BDKRB2: variants seen among roughly 807,000 people sequenced by gnomAD.
BDKRB2 encodes B2 bradykinin receptor.
A neutral mutation model predicts 4.0 loss-of-function variants in BDKRB2; 6 were observed. The observed-to-expected ratio is 1.49, with a 90% CI of 0.81 to 2.93. The LOEUF (loss-of-function observed/expected upper bound fraction) is 2.93. BDKRB2 is among the 30% of genes most tolerant of loss of function. The probability of loss-of-function intolerance (pLI) is 0.00; values close to 1 mark genes in which losing one functional copy is unlikely to be tolerated. For synonymous variants in BDKRB2, 225 were observed against 215.3 expected, an observed-to-expected ratio of 1.05 and a Z score of -0.40; for missense variants, 478 against 520.1, an observed-to-expected ratio of 0.92 and a Z score of 0.79.
intron 1 of BDKRB2, among the ~76,000 whole-genome samples, chr14:96,234,886 G>A (rs954659255): frequency 5.9e-5 from 9 of 152,146 alleles, no homozygotes; most frequent in African/African-American, 2.2e-4. Flanking sequence ...TCTGTGCGGC[G>A]GTCACTGTCG....
intron 2 of BDKRB2, chr14:96,238,411 G>C: frequency 1.0e-6 from 1 of 964,186 alleles, no homozygotes; most frequent in South Asian, 4.8e-5. Context: ...AGAGGAAGCA[G>C]ATTCCTCCTT....
At chr14:96,228,429 G>A (rs1566692657) in intron 1 of BDKRB2, among the ~76,000 whole-genome samples, 1 of 152,148 alleles carries the variant, frequency 6.6e-6, no homozygotes, top group African/African-American at 2.4e-5. Flanking sequence ...GAATGCAGAG[G>A]TTTTATTGAG....
intron 1 of BDKRB2, among the ~76,000 whole-genome samples, chr14:96,218,559 C>T (rs1048322805): frequency 1.4e-4 from 22 of 152,154 alleles, no homozygotes; most frequent in Admixed American, 9.8e-4. Flanking sequence ...GAGCTGCATC[C>T]CAGGCCCTGC....
chr14:96,240,031 A>C, intron 2 of BDKRB2: 1 of 1,013,770 alleles, frequency 9.9e-7, no homozygotes, highest in Non-Finnish European at 1.2e-6. Context: ...AAGGTGACCA[A>C]CTCCCTTGGG....
chr14:96,240,473 C>CA lies in BDKRB2; in HGVS notation c.147dup (p.Val50SerfsTer155). 6.6e-7 allele frequency: 1 copy of CA among 1,524,096 alleles called. No homozygotes were observed. The highest frequency in any genetic ancestry group is 8.8e-7 in the Non-Finnish European group (1 of 1,138,438). The allele number at this position is 1,524,096 out of a possible 1,614,324, so 94.4% of individuals were successfully genotyped here. A position where few individuals can be genotyped will look rare whatever the true frequency, so the allele number is the denominator to read the frequency against. ...GACCTTTGCCCAGAGCAAATGCCCC[C>CA]AAGTGGAGTGGCTGGGCTGGCTCAA... is the stretch of plus-strand genomic sequence containing the variant. On this transcript the variant is annotated frameshift_variant, in exon 3 of 3. Transcript: ENST00000554311. LOFTEE classifies it low-confidence loss of function (END_TRUNC).
At chr14:96,210,694 A>G (rs758417742) in intron 1 of BDKRB2, among the ~76,000 whole-genome samples, 1 of 152,176 alleles carries the variant, frequency 6.6e-6, no homozygotes, top group Non-Finnish European at 1.5e-5. Flanking sequence ...AACAGCTGTC[A>G]TTAGGAATAA....
chr14:96,226,048 C>T (rs991467034), intron 1 of BDKRB2, among the ~76,000 whole-genome samples: 1 of 152,222 alleles, frequency 6.6e-6, no homozygotes, highest in African/African-American at 2.4e-5. Context: ...TTAGGAATTG[C>T]TTTTCTGGGA....
At chr14:96,205,517 T>C (rs959320591) in intron 1 of BDKRB2, among the ~76,000 whole-genome samples, 6 of 152,006 alleles carry the variant, frequency 3.9e-5, no homozygotes, top group African/African-American at 1.2e-4. Flanking sequence ...TGTTGGCTGA[T>C]GCGCCTCCAG....
chr14:96,220,107 ACCTCTGTCT>A (rs1890521388), intron 1 of BDKRB2, among the ~76,000 whole-genome samples: 1 of 151,698 alleles, frequency 6.6e-6, no homozygotes, highest in South Asian at 2.1e-4. Context: ...GCACCCCACT[ACCTCTGTCT>A]CCTCTGTCAG....
In BDKRB2 at chr14:96,242,114, C is replaced by G. The variant is rs1885308110; in HGVS notation, c.*610C>G. The G allele has an allele frequency of 6.6e-6, 1 of 152,440 alleles. No individual in the cohort carries two copies. Among genetic ancestry groups the G allele is most frequent in the African/African-American group, 2.4e-5 (1 of 41,444 alleles). 9.4% of individuals were successfully genotyped at this position (152,440 alleles called of 1,614,324 possible). A position where few individuals can be genotyped will look rare whatever the true frequency, so the allele number is the denominator to read the frequency against. On this transcript the variant is annotated 3_prime_UTR_variant, in exon 3 of 3. Transcript: ENST00000554311. The stretch of plus-strand genomic sequence containing the variant: ...CCAATAAGCACATATTGAGCACTTG[C>G]TGTATATGCAGTATTGAGCACTGTA...
Position 96,240,638 on chromosome 14 carries a change from C to A in BDKRB2, c.310C>A (p.Leu104Met). 1 of 1,562,190 alleles carries A rather than the reference C, an allele frequency of 6.4e-7. No homozygotes were observed. The highest frequency in any genetic ancestry group is 1.9e-5 in the Admixed American group (1 of 52,184). The change falls in exon 3 of 3, where the codon CTG becomes ATG. Residue 104 changes from leucine to methionine, a missense_variant. Leu to Met is a conservative substitution (Grantham distance 15, BLOSUM62 2). Transcript: ENST00000554311. ...CCTGGGGAACCTGGCCGCAGCAGACCTGATCCTGGCCTGCGGGCTGCCCTT... is the reference window on the plus strand; with the variant it reads ...CCTGGGGAACCTGGCCGCAGCAGACATGATCCTGGCCTGCGGGCTGCCCTT... ...IYLGNLAAAD[L>M]ILACGLPFWA...
chr14:96,241,066 G>C lies in BDKRB2; in HGVS notation c.738G>C (p.Gln246His). The change falls in exon 3 of 3, where the codon CAG becomes CAC. Residue 246 changes from glutamine (Q) to histidine (H), a missense_variant. Transcript: ENST00000554311. ...GTGTCATCACCTTCTGCACGATGCA[G>C]ATCATGCAGGTGCTGCGGAACAACG... ...PLSVITFCTM[Q>H]IMQVLRNNEM... is the part of the protein sequence containing the mutation. 6.2e-7 allele frequency: 1 copy of C among 1,614,034 alleles called. No individual in the cohort carries two copies. Among genetic ancestry groups the C allele is most frequent in the Admixed American group, 1.7e-5 (1 of 60,030 alleles).
rs759195610 is a variant in BDKRB2 at position 96,240,510 on chromosome 14, C to T, written c.182C>T (p.Pro61Leu). 3 of 1,574,824 alleles carry T rather than the reference C, an allele frequency of 1.9e-6. No individual in the cohort carries two copies. The highest frequency in any genetic ancestry group is 2.4e-5 in the South Asian group (2 of 83,592). Residue 61 changes from proline (P) to leucine (L), a missense_variant, in exon 3 of 3, where the codon CCC becomes CTC. Coordinates refer to ENST00000554311, the MANE Select transcript of BDKRB2 (RefSeq NM_001379692.1). Reference protein sequence around the residue: ...EWLGWLNTIQPPFLWVLFVLA... With the variant: ...EWLGWLNTIQLPFLWVLFVLA... The stretch of plus-strand genomic sequence containing the variant: ...CTGGGCTGGCTCAACACCATCCAGC[C>T]CCCCTTCCTCTGGGTGCTGTTCGTG...
At chr14:96,238,537 C>G (rs1179009902) in intron 2 of BDKRB2, 1 of 985,540 alleles carries the variant, frequency 1.0e-6, no homozygotes, top group African/African-American at 1.7e-5. Flanking sequence ...GACTCAGGGG[C>G]AAAGCCTCAC....
At chr14:96,238,573 G>A (rs752945493) in intron 2 of BDKRB2, 4 of 985,648 alleles carry the variant, frequency 4.1e-6, no homozygotes, top group East Asian at 1.1e-4. Context: ...TGAAGACCAC[G>A]CTTACTCCCT....
At chr14:96,231,526 G>A (rs1890819260) in intron 1 of BDKRB2, among the ~76,000 whole-genome samples, 1 of 152,146 alleles carries the variant, frequency 6.6e-6, no homozygotes, top group African/African-American at 2.4e-5. Context: ...TGTGGCCTGA[G>A]GCTTACCTTC....
chr14:96,208,936 C>T (rs563472299), intron 1 of BDKRB2, among the ~76,000 whole-genome samples: 32 of 152,288 alleles, frequency 2.1e-4, no homozygotes, highest in Non-Finnish European at 3.7e-4. Context: ...CCTGAGGGGA[C>T]GCCCGTGGGG....
chr14:96,241,617 T>C lies in BDKRB2; in HGVS notation c.*113T>C. ...TCTATGCACGACCTTGGGAAATGAG[T>C]TGATGTCTCCGGTAAAACACCGGAG... On this transcript the variant is annotated 3_prime_UTR_variant, in exon 3 of 3. Transcript: ENST00000554311. The C allele has an allele frequency of 7.0e-7, 1 of 1,424,260 alleles. No individual in the cohort carries two copies. Among genetic ancestry groups the C allele is most frequent in the Non-Finnish European group, 9.1e-7 (1 of 1,094,012 alleles). 88.2% of individuals were successfully genotyped at this position (1,424,260 alleles called of 1,614,324 possible).
At chr14:96,239,836 C>G in intron 2 of BDKRB2, 1 of 985,450 alleles carries the variant, frequency 1.0e-6, no homozygotes, top group Non-Finnish European at 1.2e-6. Context: ...ATCCTCCAAT[C>G]ATCTTCAGTG....
Sources: gnomAD v4.1 joint callset for allele counts (sites outside exome capture counted in the v4.1 genomes callset) on GRCh38, gnomAD v4.1.1 for gene constraint, MANE v1.5 for transcripts, NCBI Gene and HGNC (gene_info 2026-07-23, HGNC 2026-07-21) for gene names.